The following ZDHHC14 variants were observed in gnomAD, a reference collection of about 807,000 sequenced individuals.
ZDHHC14 encodes the protein zDHHC palmitoyltransferase 14, also known as palmitoyltransferase ZDHHC14.
A neutral mutation model predicts 47.7 loss-of-function variants in ZDHHC14; 16 were observed. The observed-to-expected ratio is 0.34, with a 90% CI of 0.23 to 0.51. The LOEUF (loss-of-function observed/expected upper bound fraction) is 0.51. ZDHHC14 is among the 20% of genes least tolerant of loss of function. The pLI is 0.97. For synonymous variants in ZDHHC14, 293 were observed against 278.9 expected (o/e 1.05, Z -0.50); for missense variants, 515 against 662.5 (o/e 0.78, Z 2.44).
At chr6:157,537,736 C>T (rs953818476) in intron 1 of ZDHHC14, among the ~76,000 whole-genome samples, 2 of 152,196 alleles carry the variant, frequency 1.3e-5, no homozygotes, top group Non-Finnish European at 2.9e-5. Context: ...TCTTCCTCAA[C>T]ACAGATGGCA....
intron 8 of ZDHHC14, among the ~76,000 whole-genome samples, chr6:157,658,309 G>T (rs1334507967): frequency 6.6e-6 from 1 of 152,188 alleles, no homozygotes; most frequent in East Asian, 1.9e-4. Flanking sequence ...AAAATAGGAG[G>T]TGGGATTAAT....
At chr6:157,588,387 AG>A (rs1291994393) in intron 2 of ZDHHC14, among the ~76,000 whole-genome samples, 3 of 152,314 alleles carry the variant, frequency 2.0e-5, no homozygotes, top group Admixed American at 2.0e-4. Flanking sequence ...TGAGCCTGGG[AG>A]GTCAAGGCTA....
chr6:157,591,751 T>G (rs1783917307), intron 2 of ZDHHC14, among the ~76,000 whole-genome samples: 2 of 152,214 alleles, frequency 1.3e-5, no homozygotes, highest in South Asian at 4.1e-4. Flanking sequence ...ACTGAGTGGG[T>G]GATGGGACTG....
intron 1 of ZDHHC14, among the ~76,000 whole-genome samples, chr6:157,523,605 A>G (rs1421093251): frequency 2.6e-5 from 4 of 152,132 alleles, no homozygotes; most frequent in Admixed American, 6.5e-5. Flanking sequence ...TCATTAAAAA[A>G]CAAAGATTAG....
At chr6:157,404,026 C>G (rs1562411977) in intron 1 of ZDHHC14, among the ~76,000 whole-genome samples, 2 of 152,260 alleles carry the variant, frequency 1.3e-5, no homozygotes, top group East Asian at 3.8e-4. Flanking sequence ...ACACTTCCCC[C>G]ATAGTTGGTA....
chr6:157,650,454 G>A (rs1053234886), intron 7 of ZDHHC14, among the ~76,000 whole-genome samples: 1 of 152,024 alleles, frequency 6.6e-6, no homozygotes, highest in Non-Finnish European at 1.5e-5. Flanking sequence ...AGCCTCATTG[G>A]GCCGTGTCCA....
At chr6:157,563,481 T>C (rs916909459) in intron 2 of ZDHHC14, among the ~76,000 whole-genome samples, 3 of 152,200 alleles carry the variant, frequency 2.0e-5, no homozygotes, top group East Asian at 1.9e-4. Context: ...AGTGGGAGTG[T>C]GTGCTCTTAT....
At chr6:157,462,089 A>G (rs999641769) in intron 1 of ZDHHC14, among the ~76,000 whole-genome samples, 4 of 152,116 alleles carry the variant, frequency 2.6e-5, no homozygotes, top group African/African-American at 9.7e-5. Flanking sequence ...CTCACTATAG[A>G]TCTGTGAGTT....
chr6:157,547,138 A>T (rs1256674424), intron 2 of ZDHHC14, among the ~76,000 whole-genome samples: 2 of 152,176 alleles, frequency 1.3e-5, no homozygotes, highest in African/African-American at 2.4e-5. Flanking sequence ...ACGAGGTAGA[A>T]TGCCACTTCC....
chr6:157,421,428 G>A (rs898166347), intron 1 of ZDHHC14, among the ~76,000 whole-genome samples: 2 of 139,610 alleles, frequency 1.4e-5, no homozygotes, highest in African/African-American at 2.7e-5. Flanking sequence ...GGGAGGCGGA[G>A]CTTGCAGTGA....
At chr6:157,506,378 G>T (rs1376279329) in intron 1 of ZDHHC14, among the ~76,000 whole-genome samples, 1 of 152,192 alleles carries the variant, frequency 6.6e-6, no homozygotes, top group Non-Finnish European at 1.5e-5. Context: ...GCAATATTCT[G>T]ACTCTGGGAA....
At chr6:157,617,739 G>T (rs1423095392) in intron 3 of ZDHHC14, among the ~76,000 whole-genome samples, 1 of 152,158 alleles carries the variant, frequency 6.6e-6, no homozygotes, top group African/African-American at 2.4e-5. Context: ...AACTGGACAT[G>T]AAAGAACATA....
At chr6:157,571,930 G>C (rs1463647216) in intron 2 of ZDHHC14, among the ~76,000 whole-genome samples, 1 of 151,950 alleles carries the variant, frequency 6.6e-6, no homozygotes, top group Non-Finnish European at 1.5e-5. Flanking sequence ...CTACGGCAAG[G>C]CTCCTCAGAT....
chr6:157,504,307 A>G (rs1385958040), intron 1 of ZDHHC14, among the ~76,000 whole-genome samples: 1 of 147,894 alleles, frequency 6.8e-6, no homozygotes, highest in African/African-American at 2.5e-5. Flanking sequence ...TCCCGGGTTC[A>G]CGCCCGGCTA....
At chr6:157,470,062 C>T (rs1035428130) in intron 1 of ZDHHC14, among the ~76,000 whole-genome samples, 5 of 152,184 alleles carry the variant, frequency 3.3e-5, no homozygotes, top group African/African-American at 1.2e-4. Flanking sequence ...GAGCCTGGCA[C>T]AGCAGTGTCC....
Position 157,632,893 on chromosome 6 carries a change from T to C in ZDHHC14, c.752+11T>C. 3 of 1,614,064 alleles carry C rather than the reference T, an allele frequency of 1.9e-6. No individual in the cohort carries two copies. In the South Asian group the frequency reaches 3.3e-5, roughly 18 times the overall value. On this transcript the variant is annotated intron_variant, in intron 5 of 8. Transcript: ENST00000359775. ...GGACAGTCCTGCAAGATATCCTTTG[T>C]GATGATTCTGTTTTCACGATGCTAA... is the stretch of plus-strand genomic sequence containing the variant.
intron 1 of ZDHHC14, among the ~76,000 whole-genome samples, chr6:157,460,057 CAAAAAA>C (rs35995673): frequency 8.5e-6 from 1 of 118,230 alleles, no homozygotes. Flanking sequence ...ACTAAAAATA[CAAAAAA>C]AAAAAAAAAA....
At chr6:157,614,693 T>C (rs1185490714) in intron 3 of ZDHHC14, among the ~76,000 whole-genome samples, 7 of 152,042 alleles carry the variant, frequency 4.6e-5, no homozygotes, top group African/African-American at 1.4e-4. Flanking sequence ...GGGTCACCAG[T>C]GTGTGACCTG....
intron 2 of ZDHHC14, among the ~76,000 whole-genome samples, chr6:157,591,387 AC>A (rs1407201886): frequency 6.6e-6 from 1 of 151,970 alleles, no homozygotes; most frequent in Non-Finnish European, 1.5e-5. Context: ...GGAGACAGTT[AC>A]CCCCATGCTG....
Sources: gnomAD v4.1 joint callset for allele counts (sites outside exome capture counted in the v4.1 genomes callset) on GRCh38, gnomAD v4.1.1 for gene constraint, MANE v1.5 for transcripts, NCBI Gene and HGNC (gene_info 2026-07-23, HGNC 2026-07-21) for gene names.